Variants in RIT2 observed in about 807,000 individuals in gnomAD.
RIT2 encodes the protein Ras like without CAAX 2.
In RIT2, 24 loss-of-function variants were observed where a neutral mutation model predicts 23.7. The ratio of observed to expected loss-of-function variants is 1.01; its 90% confidence interval spans 0.73 to 1.43. The LOEUF (loss-of-function observed/expected upper bound fraction) is 1.43. Ranked by LOEUF, RIT2 falls within the 40% of genes most tolerant of loss-of-function variation. The probability of loss-of-function intolerance (pLI) is 0.00; values close to 1 mark genes in which losing one functional copy is unlikely to be tolerated. For missense variants in RIT2, 236 were observed against 266.9 expected (o/e 0.88, Z 0.81); for synonymous variants, 107 against 91.1 (o/e 1.17, Z -0.99).
intron 1 of RIT2, among the ~76,000 whole-genome samples, chr18:43,061,566 T>C (rs888002298): frequency 6.6e-6 from 1 of 152,138 alleles, no homozygotes; most frequent in Non-Finnish European, 1.5e-5. Context: ...ATAGAGTCCA[T>C]GACCTGAGGG....
intron 4 of RIT2, among the ~76,000 whole-genome samples, chr18:42,752,886 G>A (rs1351817835): frequency 6.6e-6 from 1 of 152,016 alleles, no homozygotes; most frequent in African/African-American, 2.4e-5. Flanking sequence ...GACACCTGGA[G>A]GCCTTAGAAA....
At chr18:42,920,641 A>T in intron 4 of RIT2, 2 of 1,195,558 alleles carry the variant, frequency 1.7e-6, no homozygotes, top group South Asian at 1.3e-5. Context: ...TATCTTTTTT[A>T]GAAAGGGCCC....
intron 1 of RIT2, among the ~76,000 whole-genome samples, chr18:43,053,671 A>G (rs1162399525): frequency 5.9e-5 from 9 of 152,028 alleles, no homozygotes; most frequent in African/African-American, 2.2e-4. Context: ...GTATTCATTG[A>G]TTTGATTATT....
chr18:43,004,033 C>A (rs371759475), intron 2 of RIT2, among the ~76,000 whole-genome samples: 2 of 151,644 alleles, frequency 1.3e-5, no homozygotes, highest in East Asian at 3.9e-4. Flanking sequence ...ACTGATTTTT[C>A]CCCCCGCCAG....
chr18:43,099,679 T>C (rs1053479470), intron 1 of RIT2, among the ~76,000 whole-genome samples: 5 of 152,136 alleles, frequency 3.3e-5, no homozygotes, highest in African/African-American at 1.2e-4. Flanking sequence ...TTTGTCTCTC[T>C]ATAATATCAA....
intron 4 of RIT2, among the ~76,000 whole-genome samples, chr18:42,781,677 C>T (rs1913815211): frequency 6.6e-6 from 1 of 152,158 alleles, no homozygotes; most frequent in Non-Finnish European, 1.5e-5. Context: ...TGCATATGAG[C>T]TAGTTCTGCT....
At chr18:42,765,994 T>C (rs571366963) in intron 4 of RIT2, among the ~76,000 whole-genome samples, 1 of 152,314 alleles carries the variant, frequency 6.6e-6, no homozygotes, top group East Asian at 1.9e-4. Context: ...CCTGCCATGA[T>C]TCTGAATCCT....
At chr18:42,840,792 C>T (rs986961346) in intron 4 of RIT2, among the ~76,000 whole-genome samples, 6 of 152,222 alleles carry the variant, frequency 3.9e-5, no homozygotes, top group Admixed American at 1.3e-4. Context: ...TGAGCCACCG[C>T]GCCCAGCTGC....
At chr18:42,958,470 A>C (rs1910023837) in intron 3 of RIT2, among the ~76,000 whole-genome samples, 1 of 152,232 alleles carries the variant, frequency 6.6e-6, no homozygotes, top group East Asian at 1.9e-4. Context: ...CAAATTAGCT[A>C]ATATGATAAT....
At chr18:42,835,164 T>C (rs938711763) in intron 4 of RIT2, among the ~76,000 whole-genome samples, 2 of 152,122 alleles carry the variant, frequency 1.3e-5, no homozygotes, top group African/African-American at 2.4e-5. Flanking sequence ...TATTGAACAA[T>C]ATGAGGACTA....
intron 3 of RIT2, among the ~76,000 whole-genome samples, chr18:42,937,305 A>G (rs553305188): frequency 6.6e-6 from 1 of 152,242 alleles, no homozygotes; most frequent in Non-Finnish European, 1.5e-5. Context: ...AAAATCCCTA[A>G]TTGCAATTTT....
intron 4 of RIT2, among the ~76,000 whole-genome samples, chr18:42,889,027 C>T: frequency 6.6e-6 from 1 of 152,048 alleles, no homozygotes; most frequent in Non-Finnish European, 1.5e-5. Flanking sequence ...TGGAACAAAT[C>T]TGCACATGTG....
chr18:42,931,869 A>T (rs1050920744), intron 3 of RIT2, among the ~76,000 whole-genome samples: 1 of 152,138 alleles, frequency 6.6e-6, no homozygotes, highest in Non-Finnish European at 1.5e-5. Flanking sequence ...TGCAGTTGCT[A>T]ATTGATTTAG....
At chr18:42,927,467 T>C (rs1287541266) in intron 3 of RIT2, among the ~76,000 whole-genome samples, 1 of 151,854 alleles carries the variant, frequency 6.6e-6, no homozygotes, top group Non-Finnish European at 1.5e-5. Flanking sequence ...AAAATCTCTT[T>C]ACTATGTATC....
chr18:43,095,520 A>T (rs982666513), intron 1 of RIT2, among the ~76,000 whole-genome samples: 11 of 152,032 alleles, frequency 7.2e-5, no homozygotes, highest in Non-Finnish European at 1.5e-4. Context: ...ATAAAAAAAT[A>T]AAAATAAAAC....
intron 4 of RIT2, among the ~76,000 whole-genome samples, chr18:42,833,964 GGTA>G (rs1376795708): frequency 6.6e-6 from 1 of 152,102 alleles, no homozygotes; most frequent in Non-Finnish European, 1.5e-5. Context: ...TTGTTTGCTA[GGTA>G]TGGTGCTATT....
At chr18:42,762,381 TC>T (rs1212417203) in intron 4 of RIT2, among the ~76,000 whole-genome samples, 25 of 152,238 alleles carry the variant, frequency 1.6e-4, no homozygotes, top group African/African-American at 6.0e-4. Flanking sequence ...TATGGTTCTA[TC>T]TTTCTTTGTT....
chr18:42,854,937 C>T (rs1907144494), intron 4 of RIT2, among the ~76,000 whole-genome samples: 1 of 152,156 alleles, frequency 6.6e-6, no homozygotes, highest in South Asian at 2.1e-4. Flanking sequence ...ATCTCTTTTT[C>T]AGATGCTAAT....
At chr18:43,104,803 C>T (rs1297085827) in intron 1 of RIT2, among the ~76,000 whole-genome samples, 4 of 152,032 alleles carry the variant, frequency 2.6e-5, no homozygotes, top group Non-Finnish European at 5.9e-5. Flanking sequence ...AAATAAAGAG[C>T]CTGATTTCTT....
Sources: allele counts gnomAD v4.1 joint callset (sites outside exome capture counted in the v4.1 genomes callset), GRCh38; gene constraint gnomAD v4.1.1; transcripts MANE v1.5; gene names NCBI Gene and HGNC (gene_info 2026-07-23, HGNC 2026-07-21).